The following ADAM12 variants were observed in gnomAD, a reference collection of about 807,000 sequenced individuals.
The protein encoded by ADAM12 is ADAM metallopeptidase domain 12, also known as disintegrin and metalloproteinase domain-containing protein 12.
In ADAM12, 70 loss-of-function variants were observed where a neutral mutation model predicts 106.4. That is an observed-to-expected ratio of 0.66 (90% CI 0.54 to 0.80). The LOEUF (loss-of-function observed/expected upper bound fraction) is 0.80, where lower values mean the gene tolerates loss of function less well. Ranked by LOEUF, ADAM12 falls within the 30% of genes least tolerant of loss-of-function variation. ADAM12 has a pLI of 0.00. For synonymous variants in ADAM12, 420 were observed against 433.5 expected, an observed-to-expected ratio of 0.97 and a Z score of 0.39; for missense variants, 1,010 against 1,171.9, an observed-to-expected ratio of 0.86 and a Z score of 2.02.
intron 2 of ADAM12, among the ~76,000 whole-genome samples, chr10:126,282,653 T>C (rs1959640951): frequency 6.6e-6 from 1 of 152,228 alleles, no homozygotes; most frequent in Non-Finnish European, 1.5e-5. Context: ...CTGTAGTCCA[T>C]CTATTTTCAT....
intron 2 of ADAM12, among the ~76,000 whole-genome samples, chr10:126,328,710 C>T (rs1854393822): frequency 6.6e-6 from 1 of 152,222 alleles, no homozygotes; most frequent in Admixed American, 6.5e-5. Flanking sequence ...CATCATGCCC[C>T]TACATAACGT....
At chr10:126,031,153 C>T (rs1358743675) in intron 21 of ADAM12, among the ~76,000 whole-genome samples, 1 of 152,184 alleles carries the variant, frequency 6.6e-6, no homozygotes, top group Non-Finnish European at 1.5e-5. Flanking sequence ...GGACACTCAC[C>T]AGCACCTTTA....
At chr10:126,040,216 A>G (rs369538928) in intron 18 of ADAM12, among the ~76,000 whole-genome samples, 16 of 152,224 alleles carry the variant, frequency 1.1e-4, no homozygotes, top group African/African-American at 3.1e-4. Context: ...AGGACTCTAA[A>G]TGCTCAGACT....
chr10:126,029,011 T>C (rs979029857), intron 21 of ADAM12, among the ~76,000 whole-genome samples: 1 of 152,152 alleles, frequency 6.6e-6, no homozygotes, highest in African/African-American at 2.4e-5. Context: ...AAGCTCAACA[T>C]CACTGATCAT....
At chr10:126,023,348 A>G (rs7920430) in intron 21 of ADAM12, among the ~76,000 whole-genome samples, 34,480 of 152,084 alleles carry the variant, frequency 0.23, 4,514 homozygotes, top group East Asian at 0.33. Flanking sequence ...TCTGATGACC[A>G]CCAAGAGTTA....
chr10:126,247,165 A>C (rs1958646388), intron 3 of ADAM12, among the ~76,000 whole-genome samples: 4 of 152,222 alleles, frequency 2.6e-5, no homozygotes, highest in African/African-American at 9.6e-5. Context: ...TTTCCATGTC[A>C]ACCTTAGTGT....
At chr10:126,201,153 T>C (rs1362644478) in intron 3 of ADAM12, among the ~76,000 whole-genome samples, 1 of 152,218 alleles carries the variant, frequency 6.6e-6, no homozygotes, top group Non-Finnish European at 1.5e-5. Context: ...ACATGATGTG[T>C]GCCGTGGGTT....
chr10:126,137,837 T>A lies in ADAM12; in HGVS notation c.340-2177A>T, dbSNP rs140197980. ...TTGACTATTATGAGTAACGTTACTA[T>A]GAACACATGTGTACACATTTTTGTA... On this transcript the variant is annotated intron_variant, in intron 4 of 22. Coordinates refer to ENST00000448723, the MANE Select transcript of ADAM12 (RefSeq NM_001288973.2). Among the ~76,000 whole-genome samples the A allele has an allele frequency of 5.3e-3, 806 of 152,380 alleles. 9 individuals are homozygous for A. Among genetic ancestry groups the A allele is most frequent in the African/African-American group, 0.019 (774 of 41,592 alleles).
intron 2 of ADAM12, among the ~76,000 whole-genome samples, chr10:126,301,681 GC>G (rs1021569105): frequency 6.6e-6 from 1 of 152,078 alleles, no homozygotes; most frequent in African/African-American, 2.4e-5. Context: ...CTGGTAAGAA[GC>G]TTTGAGGATG....
intron 3 of ADAM12, among the ~76,000 whole-genome samples, chr10:126,196,733 A>G (rs1451248689): frequency 6.6e-6 from 1 of 152,194 alleles, no homozygotes; most frequent in African/African-American, 2.4e-5. Context: ...GTTCATGGTA[A>G]CTGCCTGATT....
rs1164322180 is a variant in ADAM12, at chr10:126,058,881, AT to A, written c.1609+5924del. Among the ~76,000 whole-genome samples the A allele has an allele frequency of 7.9e-5, 12 of 152,376 alleles. No individual in the cohort carries two copies. The East Asian group carries it at 9.6e-4, about 12-fold the overall frequency. Reference sequence around the variant, plus strand: ...TGGTTCAAAGTTGCTGCATTAAAAAATGTCTGTCTTCATGAAGACAAGCGAT... The same window carrying A: ...TGGTTCAAAGTTGCTGCATTAAAAAAGTCTGTCTTCATGAAGACAAGCGAT... On this transcript the variant is annotated intron_variant, in intron 14 of 22. Transcript: ENST00000448723.
intron 4 of ADAM12, among the ~76,000 whole-genome samples, chr10:126,147,019 C>T (rs1956640785): frequency 6.6e-6 from 1 of 152,150 alleles, no homozygotes; most frequent in Admixed American, 6.5e-5. Flanking sequence ...AGATACTATC[C>T]CTTTCTGACA....
intron 3 of ADAM12, among the ~76,000 whole-genome samples, chr10:126,218,480 C>A (rs1425556303): frequency 6.6e-6 from 1 of 152,158 alleles, no homozygotes; most frequent in East Asian, 1.9e-4. Flanking sequence ...GCAGACTCAG[C>A]CAACAAGAGA....
chr10:126,260,316 G>T (rs1250329667), intron 3 of ADAM12, among the ~76,000 whole-genome samples: 3 of 152,218 alleles, frequency 2.0e-5, no homozygotes, highest in African/African-American at 4.8e-5. Context: ...TCCTGGCTGG[G>T]ATTCTCATAA....
intron 21 of ADAM12, among the ~76,000 whole-genome samples, chr10:126,020,865 GC>G (rs1200489684): frequency 1.3e-5 from 2 of 151,924 alleles, no homozygotes; most frequent in African/African-American, 4.8e-5. Flanking sequence ...GGTGGCACAT[GC>G]CTGTAATCCC....
intron 4 of ADAM12, among the ~76,000 whole-genome samples, chr10:126,142,931 C>T (rs529202399): frequency 1.5e-4 from 22 of 151,218 alleles, no homozygotes; most frequent in Non-Finnish European, 2.5e-4. Context: ...ATATGGGGTG[C>T]ATGGGTGTGC....
chr10:126,086,088 T>A (rs1309265126), intron 11 of ADAM12, among the ~76,000 whole-genome samples: 1 of 152,174 alleles, frequency 6.6e-6, no homozygotes, highest in African/African-American at 2.4e-5. Context: ...AATGCTGGGT[T>A]AACGAGCCAG....
At chr10:126,361,318 C>T (rs919447822) in intron 1 of ADAM12, among the ~76,000 whole-genome samples, 1 of 152,114 alleles carries the variant, frequency 6.6e-6, no homozygotes, top group African/African-American at 2.4e-5. Context: ...AGTCCATGTT[C>T]ATGGATTGAA....
chr10:126,065,085 C>T (rs1024100760), intron 13 of ADAM12, 84 bp from the exon 14 acceptor site: 3 of 1,410,208 alleles, frequency 2.1e-6, no homozygotes, highest in African/African-American at 2.8e-5. Flanking sequence ...CTGGAGTGGA[C>T]AAGGCCATAA....
Sources: gnomAD v4.1 joint callset for allele counts (sites outside exome capture counted in the v4.1 genomes callset) on GRCh38, gnomAD v4.1.1 for gene constraint, MANE v1.5 for transcripts, NCBI Gene and HGNC (gene_info 2026-07-23, HGNC 2026-07-21) for gene names.